The following SYT11 variants were observed in gnomAD, a reference collection of about 807,000 sequenced individuals.
SYT11 encodes the protein synaptotagmin-11.
A neutral mutation model predicts 30.4 loss-of-function variants in SYT11; 12 were observed. The ratio of observed to expected loss-of-function variants is 0.39; its 90% CI spans 0.25 to 0.64. SYT11 has a LOEUF of 0.64. Ranked by LOEUF, SYT11 falls within the 30% of genes least tolerant of loss-of-function variation. The pLI is 0.45. For missense variants in SYT11, 412 were observed against 552.0 expected (o/e 0.75, Z 2.54); for synonymous variants, 204 against 216.0 (o/e 0.94, Z 0.49).
chr1:155,874,216 G>T (rs1175995010), intron 2 of SYT11, among the ~76,000 whole-genome samples: 1 of 152,146 alleles, frequency 6.6e-6, no homozygotes, highest in Non-Finnish European at 1.5e-5. Context: ...GGGGGTTACC[G>T]TGAGCTGAGA....
In SYT11 at chr1:155,868,437, C is replaced by T; in HGVS notation, c.507C>T (p.Phe169=). The change falls in exon 2 of 4, where the codon TTC becomes TTT. Residue 169 remains phenylalanine, a synonymous_variant. Coordinates refer to ENST00000368324, the MANE Select transcript of SYT11 (RefSeq NM_152280.5). The surrounding 1 kb of genome is among the most constrained non-coding windows in gnomAD (Gnocchi z 4.7). ...TCACCTTCTCAGTGGACTATAACTT[C>T]CCGAAAAAAGCCCTGGTGGTGACAA... The part of the protein sequence containing the change: ...GSLTFSVDYN[F]PKKALVVTIQ... 6.2e-7 allele frequency: 1 copy of T among 1,614,090 alleles called. No homozygotes were observed. Among genetic ancestry groups the T allele is most frequent in the Non-Finnish European group, 8.5e-7 (1 of 1,179,996 alleles).
intron 2 of SYT11, among the ~76,000 whole-genome samples, chr1:155,871,679 G>A (rs191470069): frequency 6.6e-6 from 1 of 152,286 alleles, no homozygotes; most frequent in East Asian, 1.9e-4. Context: ...GATAAGCCAG[G>A]GCTAGGATCC....
chr1:155,874,036 C>T (rs565500180), intron 2 of SYT11, among the ~76,000 whole-genome samples: 1 of 152,308 alleles, frequency 6.6e-6, no homozygotes, highest in South Asian at 2.1e-4. Context: ...CATGGTGGCT[C>T]ACGCCTATAA....
At chr1:155,877,903 T>C (rs960180649) in intron 2 of SYT11, among the ~76,000 whole-genome samples, 2 of 152,116 alleles carry the variant, frequency 1.3e-5, no homozygotes, top group South Asian at 4.1e-4. Context: ...TCCTCGACTT[T>C]AGCTCATTTT....
chr1:155,864,746 T>C (rs561323235), intron 1 of SYT11, among the ~76,000 whole-genome samples: 1 of 148,916 alleles, frequency 6.7e-6, no homozygotes, highest in African/African-American at 2.5e-5. Context: ...AGTCTCACTC[T>C]GTCACCCAGA....
At chr1:155,879,183 G>A (rs1051557317) in intron 2 of SYT11, among the ~76,000 whole-genome samples, 2 of 152,106 alleles carry the variant, frequency 1.3e-5, no homozygotes, top group South Asian at 2.1e-4. Context: ...TTGGGAGGCC[G>A]AGGTAGACAG....
chr1:155,881,699 T>G lies in SYT11; in HGVS notation c.*191T>G. 2.0e-6 allele frequency: 1 copy of G among 510,224 alleles called. No individual in the cohort carries two copies. The highest frequency in any genetic ancestry group is 3.2e-5 in the East Asian group (1 of 31,702). 31.6% of individuals were successfully genotyped at this position (510,224 alleles called of 1,614,324 possible). ...AGTTCTTAGCAATGATGTTTTTTTT[T>G]CTGCTTTGCAAGGCGCTAGAATCTT... On this transcript the variant is annotated 3_prime_UTR_variant, in exon 4 of 4. Coordinates refer to ENST00000368324, the MANE Select transcript of SYT11 (RefSeq NM_152280.5).
At chr1:155,874,356 T>C (rs1445310527) in intron 2 of SYT11, among the ~76,000 whole-genome samples, 1 of 152,112 alleles carries the variant, frequency 6.6e-6, no homozygotes, top group Non-Finnish European at 1.5e-5. Flanking sequence ...TCCCAGCACT[T>C]TGGGAGGCTG....
chr1:155,864,988 G>T (rs934611720), intron 1 of SYT11, among the ~76,000 whole-genome samples: 22 of 152,096 alleles, frequency 1.4e-4, no homozygotes, highest in African/African-American at 5.1e-4. Context: ...TGGGATTACA[G>T]GCATGAGCCA....
At position 155,867,971 on chromosome 1, in the gene SYT11, C is replaced by T. The variant is rs1400731028; in HGVS notation, c.41C>T (p.Ser14Leu). Reference protein sequence around the residue: ...ITNIRPSFDVSPVVAGLIGAS... With the variant: ...ITNIRPSFDVLPVVAGLIGAS... ...CTCTGATCTCCGCCTTCAGATGTGT[C>T]ACCGGTGGTGGCCGGCCTCATCGGG... Residue 14 changes from serine to leucine, a missense_variant, in exon 2 of 4, where the codon TCA becomes TTA. Ser to Leu is a moderately radical substitution (Grantham distance 145). Coordinates refer to ENST00000368324, the MANE Select transcript of SYT11 (RefSeq NM_152280.5). The T allele has an allele frequency of 5.6e-6, 9 of 1,607,482 alleles. No individual in the cohort carries two copies. The highest frequency in any genetic ancestry group is 1.7e-4 in the Middle Eastern group (1 of 5,856).
intron 2 of SYT11, among the ~76,000 whole-genome samples, chr1:155,869,666 T>C (rs1002835819): frequency 2.6e-5 from 4 of 152,074 alleles, no homozygotes; most frequent in Admixed American, 2.6e-4. Flanking sequence ...ACACTTCCCC[T>C]CTCTCCATTT....
intron 1 of SYT11, among the ~76,000 whole-genome samples, chr1:155,867,139 C>A (rs1391761131): frequency 6.6e-6 from 1 of 151,752 alleles, no homozygotes; most frequent in African/African-American, 2.4e-5. Context: ...CTCACTGCAA[C>A]CTCTGCCTCC....
intron 1 of SYT11, among the ~76,000 whole-genome samples, chr1:155,865,910 A>G (rs1253412351): frequency 6.6e-6 from 1 of 151,560 alleles, no homozygotes; most frequent in East Asian, 2.0e-4. Context: ...TTATTTCCTT[A>G]GTTCTCCCTC....
chr1:155,860,698 G>T lies in SYT11; in HGVS notation c.34+903G>T, dbSNP rs1672553110. On this transcript the variant is annotated intron_variant, in intron 1 of 3. Transcript: ENST00000368324. This position sits in a 1 kb window ranked among gnomAD's most constrained non-coding sequence, Gnocchi z 4.1. ...CGTCATTTCAGAGCGGCTGGTCCCC[G>T]ACCCAGCCCTGTGGGCTCCAAGATT... Among the ~76,000 whole-genome samples the T allele has an allele frequency of 6.6e-6, 1 of 152,178 alleles. No individual in the cohort carries two copies. Among genetic ancestry groups the T allele is most frequent in the African/African-American group, 2.4e-5 (1 of 41,436 alleles).
At position 155,883,397 on chromosome 1, in the gene SYT11, T is replaced by C; in HGVS notation, c.*1889T>C. ...AAAAATACAAAAAATTAACTAGGTG[T>C]GGTGCTGCACGCCTGTGGTCCCAGC... On this transcript the variant is annotated 3_prime_UTR_variant, in exon 4 of 4. Transcript: ENST00000368324. The C allele has an allele frequency of 6.6e-6, 1 of 152,204 alleles. No individual in the cohort carries two copies. Among genetic ancestry groups the C allele is most frequent in the Non-Finnish European group, 1.5e-5 (1 of 68,114 alleles). The allele number at this position is 152,204 out of a possible 1,614,324, so 9.4% of individuals were successfully genotyped here. A position where few individuals can be genotyped will look rare whatever the true frequency, so the allele number is the denominator to read the frequency against.
At chr1:155,869,002 G>T (rs1672737962) in intron 2 of SYT11, among the ~76,000 whole-genome samples, 1 of 152,104 alleles carries the variant, frequency 6.6e-6, no homozygotes, top group Non-Finnish European at 1.5e-5. Flanking sequence ...GGTGAGAGAA[G>T]GTTCAATAGC....
intron 1 of SYT11, among the ~76,000 whole-genome samples, chr1:155,864,518 A>T (rs1355447030): frequency 6.6e-6 from 1 of 152,112 alleles, no homozygotes; most frequent in African/African-American, 2.4e-5. Flanking sequence ...GTTGGAGAGG[A>T]TAGGAGAGGA....
At chr1:155,879,991 C>CG (rs1672935370) in intron 2 of SYT11, among the ~76,000 whole-genome samples, 1 of 152,052 alleles carries the variant, frequency 6.6e-6, no homozygotes, top group Non-Finnish European at 1.5e-5. Context: ...ACCAGGAATT[C>CG]AAGACCAGCC....
At position 155,859,584 on chromosome 1, in the gene SYT11, T is replaced by C. The variant is rs1046077181; in HGVS notation, c.-178T>C. Reference sequence around the variant, plus strand: ...CTTAGCTCAGCGCATCCCCGGAGCATCTTAAGAGCTGAGCGCAGCTGACAA... The same window carrying C: ...CTTAGCTCAGCGCATCCCCGGAGCACCTTAAGAGCTGAGCGCAGCTGACAA... On this transcript the variant is annotated 5_prime_UTR_variant, in exon 1 of 4. Transcript: ENST00000368324. The C allele has an allele frequency of 3.0e-6, 2 of 668,154 alleles. No homozygotes were observed. Among genetic ancestry groups the C allele is most frequent in the Non-Finnish European group, 5.4e-6 (2 of 368,852 alleles). 41.4% of individuals were successfully genotyped at this position (668,154 alleles called of 1,614,324 possible). A position where few individuals can be genotyped will look rare whatever the true frequency, so the allele number is the denominator to read the frequency against.
Sources: gnomAD v4.1 joint callset for allele counts (sites outside exome capture counted in the v4.1 genomes callset) on GRCh38, gnomAD v4.1.1 for gene constraint, Gnocchi (gnomAD v3.1) non-coding constraint, MANE v1.5 for transcripts, NCBI Gene and HGNC (gene_info 2026-07-23, HGNC 2026-07-21) for gene names.